The following ANK1 variants were observed in gnomAD, a reference collection of about 807,000 sequenced individuals.
The protein encoded by ANK1 is ankyrin 1, also known as ankyrin-1.
Under a neutral mutation model 210.4 loss-of-function variants are expected in ANK1, and 51 were observed. The ratio of observed to expected loss-of-function variants is 0.24; its 90% CI spans 0.19 to 0.31. ANK1 has a LOEUF of 0.31. Among genes scored for constraint, ANK1 ranks in the 10% least tolerant of loss-of-function variants. The probability of loss-of-function intolerance (pLI) is 1.00; values close to 1 mark genes in which losing one functional copy is unlikely to be tolerated. For missense variants in ANK1, 2,051 were observed against 2,504.4 expected, an observed-to-expected ratio of 0.82 and a Z score of 3.86; for synonymous variants, 967 against 1,025.9, an observed-to-expected ratio of 0.94 and a Z score of 1.10.
Position 41,706,137 on chromosome 8 carries a change from C to T in ANK1, c.2097+6G>A. The T allele has an allele frequency of 1.2e-6, 2 of 1,613,720 alleles. No homozygotes were observed. The highest frequency in any genetic ancestry group is 1.7e-6 in the Non-Finnish European group (2 of 1,179,780). ...CACAGACTGAAGTTCCGGCTGCCTG[C>T]CTTACCCGGGTGGTGGCGTCCACCA... On this transcript the variant is annotated splice_donor_region_variant and intron_variant, in intron 18 of 42. Transcript: ENST00000289734.
chr8:41,750,118 T>G (rs1333719756), intron 2 of ANK1, among the ~76,000 whole-genome samples: 1 of 152,246 alleles, frequency 6.6e-6, no homozygotes, highest in Non-Finnish European at 1.5e-5. Flanking sequence ...ATCAAAAGAC[T>G]TGGAATTTGG....
At chr8:41,783,538 C>T (rs1437784327) in intron 1 of ANK1, among the ~76,000 whole-genome samples, 1 of 152,132 alleles carries the variant, frequency 6.6e-6, no homozygotes, top group East Asian at 1.9e-4. Context: ...GACCCTTTTC[C>T]TCATTGAACC....
At chr8:41,808,436 G>A (rs1819953) in intron 1 of ANK1, among the ~76,000 whole-genome samples, 35,372 of 151,986 alleles carry the variant, frequency 0.23, 4,775 homozygotes, top group Admixed American at 0.38. Context: ...AGGTCGAAGC[G>A]GGTGGATCAC....
intron 1 of ANK1, among the ~76,000 whole-genome samples, chr8:41,761,408 C>T (rs1056262402): frequency 2.0e-5 from 3 of 152,176 alleles, no homozygotes; most frequent in Admixed American, 2.0e-4. Flanking sequence ...CACACGTATA[C>T]ACACACACAG....
At chr8:41,802,422 A>T (rs569645601), upstream of ANK1, among the ~76,000 whole-genome samples, 10 of 152,268 alleles carry the variant, frequency 6.6e-5, no homozygotes, top group Non-Finnish European at 1.3e-4. Context: ...ATCCTCTCCC[A>T]GCTGAACTGT....
chr8:41,747,912 GT>G, intron 2 of ANK1, among the ~76,000 whole-genome samples: 1 of 152,302 alleles, frequency 6.6e-6, no homozygotes, highest in East Asian at 1.9e-4. Context: ...AATGAAACCA[GT>G]CTGGGGCAGA....
rs1848876743 is a variant in ANK1 at position 41,797,032 on chromosome 8, CG to C, written c.27+479del. 2.0e-5 allele frequency among the ~76,000 whole-genome samples: 3 copies of C among 152,266 alleles called. No individual in the cohort carries two copies. The highest frequency in any genetic ancestry group is 2.0e-4 in the Admixed American group (3 of 15,296). On this transcript the variant is annotated intron_variant, in intron 1 of 42. Transcript: ENST00000289734. The surrounding 1 kb of genome is among the most constrained non-coding windows in gnomAD (Gnocchi z 4.0). ...CGAGCAGGTGTGACCATGAGACCAC[CG>C]GCCTCCGTGAGTCTTTGAGAAAACA...
At chr8:41,711,876 A>G (rs1382788015) in intron 16 of ANK1, among the ~76,000 whole-genome samples, 2 of 151,984 alleles carry the variant, frequency 1.3e-5, no homozygotes, top group East Asian at 3.9e-4. Context: ...AAAAGACTTT[A>G]TGGAGTTTGG....
intron 2 of ANK1, among the ~76,000 whole-genome samples, chr8:41,739,186 A>G (rs1268300576): frequency 2.6e-5 from 4 of 151,654 alleles, no homozygotes; most frequent in Non-Finnish European, 5.9e-5. Context: ...TTTCAATTTG[A>G]ATTATTTCTA....
At position 41,725,758 on chromosome 8, in the gene ANK1, C is replaced by T; in HGVS notation, c.612+3G>A. ...AAGGCTCCTCCCTCCTCCTCGCCCT[C>T]ACCTTGGAAAGCACGTCCGGGTTGG... On this transcript the variant is annotated splice_donor_region_variant and intron_variant, in intron 6 of 42. Transcript: ENST00000289734. 6.2e-7 allele frequency: 1 copy of T among 1,609,426 alleles called. No individual in the cohort carries two copies. The highest frequency in any genetic ancestry group is 8.5e-7 in the Non-Finnish European group (1 of 1,179,366).
intron 1 of ANK1, among the ~76,000 whole-genome samples, chr8:41,773,803 C>T (rs760246886): frequency 2.6e-5 from 4 of 152,150 alleles, no homozygotes; most frequent in Non-Finnish European, 4.4e-5. Flanking sequence ...AAGTTCCCCA[C>T]GGCCACGGTG....
chr8:41,733,872 A>G lies in ANK1; in HGVS notation c.228+99T>C, dbSNP rs560477386. The G allele has an allele frequency of 3.4e-5, 33 of 964,188 alleles. No individual in the cohort carries two copies. The Middle Eastern group carries it at 6.2e-4, about 18-fold the overall frequency. 59.7% of individuals were successfully genotyped at this position (964,188 alleles called of 1,614,324 possible). On this transcript the variant is annotated intron_variant, in intron 3 of 42. Coordinates refer to ENST00000289734, the MANE Select transcript of ANK1 (RefSeq NM_000037.4). ...GATTGGAAGGATAAGAGAAATTCAG[A>G]TGCATGCCTGAGTTCTCTCATGAAG...
At chr8:41,756,019 G>T (rs1182019238) in intron 2 of ANK1, among the ~76,000 whole-genome samples, 1 of 152,142 alleles carries the variant, frequency 6.6e-6, no homozygotes, top group Non-Finnish European at 1.5e-5. Flanking sequence ...ATACCATACT[G>T]CTCCATTCTT....
rs1331946323 is a variant in ANK1 at position 41,725,054 on chromosome 8, G to A, written c.613-500C>T. Among the ~76,000 whole-genome samples, 5 of 152,286 alleles carry A rather than the reference G, an allele frequency of 3.3e-5. No homozygotes were observed. In the East Asian group the frequency reaches 9.6e-4, roughly 29 times the overall value. On this transcript the variant is annotated intron_variant, in intron 6 of 42. Transcript: ENST00000289734. ...TTAAAAAAAATGTTTTAGAGGCAGG[G>A]TCTCACTATGTTGTCCAGGCTGGTC... is the stretch of plus-strand genomic sequence containing the variant.
chr8:41,703,664 T>A (rs561625641), intron 20 of ANK1, among the ~76,000 whole-genome samples: 4 of 151,164 alleles, frequency 2.6e-5, no homozygotes, highest in African/African-American at 4.9e-5. Flanking sequence ...TTAAAAAAAT[T>A]TTTTTTTGTA....
intron 1 of ANK1, among the ~76,000 whole-genome samples, chr8:41,861,337 T>A (rs1416998018): frequency 6.6e-6 from 1 of 152,200 alleles, no homozygotes; most frequent in Non-Finnish European, 1.5e-5. Context: ...ATATGCTCCA[T>A]GACGAAAGGG....
chr8:41,691,931 G>A (rs140498806), intron 31 of ANK1, among the ~76,000 whole-genome samples: 186 of 152,320 alleles, frequency 1.2e-3, no homozygotes, highest in African/African-American at 4.1e-3. Context: ...GGCTCAAAGC[G>A]ATCCTCCTGC....
chr8:41,845,701 A>G (rs1178889199), intron 1 of ANK1, among the ~76,000 whole-genome samples: 4 of 152,218 alleles, frequency 2.6e-5, no homozygotes, highest in Admixed American at 2.0e-4. Context: ...ATAAACGTGC[A>G]TAAATTATGT....
At chr8:41,734,469 C>T (rs1354717709) in intron 2 of ANK1, among the ~76,000 whole-genome samples, 1 of 152,302 alleles carries the variant, frequency 6.6e-6, no homozygotes, top group East Asian at 1.9e-4. Context: ...AACACCAGTG[C>T]ATCCTAAATA....
Sources: allele counts gnomAD v4.1 joint callset (sites outside exome capture counted in the v4.1 genomes callset), GRCh38; gene constraint gnomAD v4.1.1; non-coding constraint Gnocchi (gnomAD v3.1); transcripts MANE v1.5; gene names NCBI Gene and HGNC (gene_info 2026-07-23, HGNC 2026-07-21).